STIMATE: variants seen among roughly 807,000 people sequenced by gnomAD.
STIMATE encodes the protein STIM activating enhancer, also known as store-operated calcium entry regulator STIMATE.
In STIMATE, 15 loss-of-function variants were observed where a neutral mutation model predicts 36.7. The ratio of observed to expected loss-of-function variants is 0.41; its 90% CI spans 0.27 to 0.63. The LOEUF is 0.63. STIMATE is among the 20% of genes least tolerant of loss of function. The pLI is 0.32. For synonymous variants in STIMATE, 163 were observed against 162.3 expected (o/e 1.00, Z -0.03); for missense variants, 305 against 397.3 (o/e 0.77, Z 1.98).
Position 52,855,376 on chromosome 3 carries a change from A to T in STIMATE, c.209+20T>A, listed in dbSNP as rs1701074533. On this transcript the variant is annotated intron_variant, in intron 2 of 7. Coordinates refer to ENST00000355083, the MANE Select transcript of STIMATE (RefSeq NM_198563.5). ...CATAGTCAAAAGCACTCCAGAATGA[A>T]CTAATACCTAAACACATACCATATC... The T allele has an allele frequency of 6.2e-7, 1 of 1,613,356 alleles. No homozygotes were observed. Among genetic ancestry groups the T allele is most frequent in the Non-Finnish European group, 8.5e-7 (1 of 1,179,726 alleles).
intron 1 of STIMATE, among the ~76,000 whole-genome samples, chr3:52,861,956 T>C (rs1701222096): frequency 6.6e-6 from 1 of 152,180 alleles, no homozygotes; most frequent in African/African-American, 2.4e-5. Flanking sequence ...CTTCTTCCTC[T>C]TGACTCCTGG....
Position 52,843,630 on chromosome 3 carries a change from A to AC in STIMATE, c.618+90dup, listed in dbSNP as rs1041115116. 9 of 514,380 alleles carry AC rather than the reference A, an allele frequency of 1.7e-5. No individual in the cohort carries two copies. The African/African-American group carries it at 1.9e-4, about 11-fold the overall frequency. The allele number at this position is 514,380 out of a possible 1,614,324, so 31.9% of individuals were successfully genotyped here. A position where few individuals can be genotyped will look rare whatever the true frequency, so the allele number is the denominator to read the frequency against. On this transcript the variant is annotated intron_variant, in intron 6 of 7. Transcript: ENST00000355083. ...GGTCACGCAAAAAGACCTGAGGGCT[A>AC]CAGGTGAGCTTTCTGTCAGACTCAG... is the stretch of plus-strand genomic sequence containing the variant.
chr3:52,876,226 C>A (rs1437763501), intron 1 of STIMATE, among the ~76,000 whole-genome samples: 1 of 152,188 alleles, frequency 6.6e-6, no homozygotes, highest in Non-Finnish European at 1.5e-5. Flanking sequence ...AGTTAAGGAA[C>A]TTGCTGAAGT....
chr3:52,860,816 G>T (rs1217436896), intron 1 of STIMATE, among the ~76,000 whole-genome samples: 6 of 152,238 alleles, frequency 3.9e-5, no homozygotes, highest in African/African-American at 1.4e-4. Flanking sequence ...GGCTGACTCG[G>T]GAGGTGGGAG....
intron 1 of STIMATE, among the ~76,000 whole-genome samples, chr3:52,882,512 T>C (rs1701622610): frequency 1.3e-5 from 2 of 152,206 alleles, no homozygotes; most frequent in African/African-American, 4.8e-5. Flanking sequence ...AAGGGGGAAC[T>C]TGAAGCTGCT....
chr3:52,843,479 C>T (rs371784745), intron 6 of STIMATE, among the ~76,000 whole-genome samples: 3 of 152,074 alleles, frequency 2.0e-5, no homozygotes, highest in Admixed American at 6.5e-5. Flanking sequence ...GGAGGCCCCT[C>T]GGCAGGGAGG....
intron 1 of STIMATE, among the ~76,000 whole-genome samples, chr3:52,896,830 G>A (rs183940691): frequency 3.4e-4 from 52 of 152,316 alleles, no homozygotes; most frequent in Admixed American, 3.4e-3. Context: ...ATGCAAAGTA[G>A]CAGGATTTAA....
intron 1 of STIMATE, among the ~76,000 whole-genome samples, chr3:52,856,211 A>C (rs1701092114): frequency 6.6e-6 from 1 of 152,232 alleles, no homozygotes; most frequent in African/African-American, 2.4e-5. Context: ...CACAATAGGT[A>C]ACAAGAGAAC....
intron 1 of STIMATE, among the ~76,000 whole-genome samples, chr3:52,860,660 AC>A (rs1701202447): frequency 6.6e-6 from 1 of 152,014 alleles, no homozygotes; most frequent in African/African-American, 2.4e-5. Flanking sequence ...ACTCCCATTC[AC>A]CCCCCGCAGT....
chr3:52,866,413 C>T (rs912925692), intron 1 of STIMATE, among the ~76,000 whole-genome samples: 1 of 152,204 alleles, frequency 6.6e-6, no homozygotes. Flanking sequence ...CACCCCATCT[C>T]ACCTGCTCTC....
intron 1 of STIMATE, among the ~76,000 whole-genome samples, chr3:52,881,387 T>C (rs1701600041): frequency 6.6e-6 from 1 of 152,116 alleles, no homozygotes; most frequent in African/African-American, 2.4e-5. Context: ...TGCTGGTATC[T>C]GAGCCTGTTT....
intron 1 of STIMATE, among the ~76,000 whole-genome samples, chr3:52,882,599 T>C (rs1407169177): frequency 6.6e-6 from 1 of 152,046 alleles, no homozygotes; most frequent in Non-Finnish European, 1.5e-5. Context: ...CTCTTCAAGG[T>C]AGGAAAAAAG....
chr3:52,892,961 C>A (rs1210667560), intron 1 of STIMATE, among the ~76,000 whole-genome samples: 1 of 151,768 alleles, frequency 6.6e-6, no homozygotes, highest in Non-Finnish European at 1.5e-5. Flanking sequence ...AATTCAAACA[C>A]CACAAGGAAA....
intron 1 of STIMATE, among the ~76,000 whole-genome samples, chr3:52,872,188 T>G (rs1701419346): frequency 6.6e-6 from 1 of 152,176 alleles, no homozygotes. Flanking sequence ...TTCTTACATT[T>G]TCTTACTACT....
rs1700866719 is a variant in STIMATE at position 52,844,862 on chromosome 3, G to T, written c.507C>A (p.Val169=). 2 of 1,614,060 alleles carry T rather than the reference G, an allele frequency of 1.2e-6. No individual in the cohort carries two copies. Among genetic ancestry groups the T allele is most frequent in the Non-Finnish European group, 1.7e-6 (2 of 1,180,030 alleles). The stretch of plus-strand genomic sequence containing the variant: ...ACTGAAGTATTAGGAGGACGATGAA[G>T]ACGACAGACTTTTCAAAAATCATGA... ...IVIMIFEKSV[V]FIVLLILQWK... Residue 169 remains valine (V), a synonymous_variant, in exon 5 of 8, where the codon GTC becomes GTA. Transcript: ENST00000355083.
At chr3:52,884,587 G>T (rs537847147) in intron 1 of STIMATE, among the ~76,000 whole-genome samples, 1 of 152,224 alleles carries the variant, frequency 6.6e-6, no homozygotes, top group East Asian at 1.9e-4. Context: ...ACTACCTCAA[G>T]GAAACCACTA....
At chr3:52,849,700 C>T in intron 4 of STIMATE, 92 bp downstream of exon 4, 1 of 1,514,462 alleles carries the variant, frequency 6.6e-7, no homozygotes, top group Non-Finnish European at 8.8e-7. Context: ...CCAGCCATTT[C>T]TGGATCTGTT....
At position 52,849,780 on chromosome 3, in the gene STIMATE, A is replaced by C. The variant is rs1183535889; in HGVS notation, c.427+12T>G. ...TTCCCTCACGCCCTGTCCGGCATCCACAGCATATTACCATATTCGCCGAAG... is the reference window on the plus strand; with the variant it reads ...TTCCCTCACGCCCTGTCCGGCATCCCCAGCATATTACCATATTCGCCGAAG... On this transcript the variant is annotated intron_variant, in intron 4 of 7. Coordinates refer to ENST00000355083, the MANE Select transcript of STIMATE (RefSeq NM_198563.5). The C allele has an allele frequency of 6.2e-7, 1 of 1,610,812 alleles. No homozygotes were observed. The highest frequency in any genetic ancestry group is 1.7e-5 in the Admixed American group (1 of 59,958).
At chr3:52,874,168 T>A (rs1036607433) in intron 1 of STIMATE, among the ~76,000 whole-genome samples, 1 of 152,306 alleles carries the variant, frequency 6.6e-6, no homozygotes, top group East Asian at 1.9e-4. Flanking sequence ...TAAATGTCCA[T>A]CGATAGGGAA....
Sources: gnomAD v4.1 joint callset for allele counts (sites outside exome capture counted in the v4.1 genomes callset) on GRCh38, gnomAD v4.1.1 for gene constraint, MANE v1.5 for transcripts, NCBI Gene and HGNC (gene_info 2026-07-23, HGNC 2026-07-21) for gene names.